Variants in EPHB1 observed in about 807,000 individuals in gnomAD.
The protein encoded by EPHB1 is ephrin type-B receptor 1.
EPHB1 carries 30 observed loss-of-function variants against 94.4 expected under a neutral mutation model. The observed-to-expected ratio is 0.32, with a 90% confidence interval of 0.24 to 0.43. EPHB1 has a LOEUF of 0.43. EPHB1 is among the 20% of genes least tolerant of loss of function. The pLI, the probability that EPHB1 is intolerant of heterozygous loss-of-function variation, is 1.00. For synonymous variants in EPHB1, 522 were observed against 489.1 expected (o/e 1.07, Z -0.89); for missense variants, 1,055 against 1,308.3 (o/e 0.81, Z 2.99).
intron 9 of EPHB1, among the ~76,000 whole-genome samples, chr3:135,172,653 G>T (rs1941838765): frequency 1.3e-5 from 2 of 152,218 alleles, no homozygotes; most frequent in South Asian, 4.1e-4. Flanking sequence ...TGTCCCTGGA[G>T]GAGGGAGACT....
At chr3:135,223,765 A>G (rs1370281023) in intron 12 of EPHB1, among the ~76,000 whole-genome samples, 4 of 152,232 alleles carry the variant, frequency 2.6e-5, no homozygotes, top group Non-Finnish European at 5.9e-5. Flanking sequence ...AGGATTTTTA[A>G]AAACTTTATT....
At chr3:135,084,386 A>G (rs911653729) in intron 3 of EPHB1, among the ~76,000 whole-genome samples, 13 of 152,260 alleles carry the variant, frequency 8.5e-5, no homozygotes, top group African/African-American at 3.1e-4. Context: ...TCATGGTTAG[A>G]TTAGCCTCGT....
At chr3:135,049,360 G>A (rs1161342021) in intron 3 of EPHB1, among the ~76,000 whole-genome samples, 2 of 152,204 alleles carry the variant, frequency 1.3e-5, no homozygotes, top group African/African-American at 2.4e-5. Flanking sequence ...CTTCTTTTGT[G>A]CAATTGCAGT....
chr3:135,184,453 G>C (rs1265981966), intron 10 of EPHB1, among the ~76,000 whole-genome samples: 1 of 152,194 alleles, frequency 6.6e-6, no homozygotes, highest in Admixed American at 6.5e-5. Flanking sequence ...GTAATTATTT[G>C]TTTAATGTTC....
Position 135,170,624 on chromosome 3 carries a change from T to C in EPHB1, c.1759+3618T>C, listed in dbSNP as rs572156142. Among the ~76,000 whole-genome samples the C allele has an allele frequency of 1.1e-4, 17 of 152,228 alleles. No individual in the cohort carries two copies. In the East Asian group the frequency reaches 2.9e-3, roughly 26 times the overall value. On this transcript the variant is annotated intron_variant, in intron 9 of 15. Transcript: ENST00000398015. ...CTGACTAACAGTTGCCTGGATGAGA[T>C]GATTTAGGTGGTCCAGGTGGCCACC...
At chr3:134,862,587 C>A (rs1361045198) in intron 1 of EPHB1, among the ~76,000 whole-genome samples, 2 of 151,522 alleles carry the variant, frequency 1.3e-5, no homozygotes, top group African/African-American at 2.4e-5. Flanking sequence ...TTGTCAATTA[C>A]AATAAAGCAC....
rs253875 is a variant in EPHB1, at chr3:135,032,148, A to T, written c.806-74300A>T. ...GATGTCTTTTTATCTGATAAAATTTATTCTAGTGCTTTTTGGATAACTTCT... is the reference window on the plus strand; with the variant it reads ...GATGTCTTTTTATCTGATAAAATTTTTTCTAGTGCTTTTTGGATAACTTCT... On this transcript the variant is annotated intron_variant, in intron 3 of 15. Coordinates refer to ENST00000398015, the MANE Select transcript of EPHB1 (RefSeq NM_004441.5). Among the ~76,000 whole-genome samples, 349 of 151,938 alleles carry T rather than the reference A, an allele frequency of 2.3e-3. 2 individuals are homozygous for T. The highest frequency in any genetic ancestry group is 7.9e-3 in the African/African-American group (327 of 41,478).
intron 12 of EPHB1, among the ~76,000 whole-genome samples, chr3:135,232,701 C>G (rs924935708): frequency 6.6e-6 from 1 of 152,152 alleles, no homozygotes; most frequent in African/African-American, 2.4e-5. Context: ...TGTTCTCATG[C>G]TGCTAATGAA....
rs552582053 is a variant in EPHB1, at chr3:134,928,804, C to T, written c.123+2924C>T. 2.6e-5 allele frequency among the ~76,000 whole-genome samples: 4 copies of T among 151,578 alleles called. No individual in the cohort carries two copies. The South Asian group carries it at 6.3e-4, about 24-fold the overall frequency. ...TGGATGGATAACCTGCACTGAAGTG[C>T]CAAATAGAACCTGACCAGGAGACTG... On this transcript the variant is annotated intron_variant, in intron 2 of 15. Coordinates refer to ENST00000398015, the MANE Select transcript of EPHB1 (RefSeq NM_004441.5).
At chr3:134,848,047 A>G (rs1424647873) in intron 1 of EPHB1, among the ~76,000 whole-genome samples, 3 of 152,214 alleles carry the variant, frequency 2.0e-5, no homozygotes, top group African/African-American at 7.2e-5. Context: ...CTGATGCCTC[A>G]GTTTCCCATC....
intron 3 of EPHB1, among the ~76,000 whole-genome samples, chr3:135,100,168 G>A (rs539182687): frequency 2.0e-5 from 3 of 152,232 alleles, no homozygotes; most frequent in African/African-American, 4.8e-5. Context: ...AAAATGCAAG[G>A]AGAGACTTCC....
chr3:134,804,954 G>A (rs916261600), intron 1 of EPHB1, among the ~76,000 whole-genome samples: 4 of 152,228 alleles, frequency 2.6e-5, no homozygotes, highest in African/African-American at 7.2e-5. Flanking sequence ...CTTCATTGAC[G>A]GTGGCAGCAG....
chr3:134,799,691 G>A (rs2035899145), intron 1 of EPHB1, among the ~76,000 whole-genome samples: 1 of 152,178 alleles, frequency 6.6e-6, no homozygotes, highest in Non-Finnish European at 1.5e-5. Context: ...CACAGTGTCC[G>A]GCTCCAGCCC....
At chr3:134,862,315 G>A (rs1311034435) in intron 1 of EPHB1, among the ~76,000 whole-genome samples, 1 of 152,042 alleles carries the variant, frequency 6.6e-6, no homozygotes, top group Admixed American at 6.5e-5. Flanking sequence ...TTTGAGTTGG[G>A]TCCAAAGAGG....
At chr3:135,134,502 T>G (rs1940543073) in intron 5 of EPHB1, among the ~76,000 whole-genome samples, 1 of 152,136 alleles carries the variant, frequency 6.6e-6, no homozygotes, top group Admixed American at 6.5e-5. Flanking sequence ...TGTGTGTGTG[T>G]TCATGTGGTG....
At chr3:135,184,543 A>G (rs882058) in intron 10 of EPHB1, among the ~76,000 whole-genome samples, 40,378 of 152,126 alleles carry the variant, frequency 0.27, 5,706 homozygotes, top group East Asian at 0.47. Context: ...GGCCTAGTGC[A>G]TGGCACTTAA....
intron 4 of EPHB1, among the ~76,000 whole-genome samples, chr3:135,130,339 G>C (rs149473603): frequency 3.6e-4 from 55 of 152,270 alleles, no homozygotes; most frequent in African/African-American, 1.3e-3. Flanking sequence ...AAGAAGGTAA[G>C]GATTGAATTG....
chr3:135,182,736 AC>A (rs1942188920), intron 10 of EPHB1, among the ~76,000 whole-genome samples: 1 of 152,206 alleles, frequency 6.6e-6, no homozygotes, highest in South Asian at 2.1e-4. Context: ...GAAGAGGAAA[AC>A]TAAATGATTT....
intron 3 of EPHB1, among the ~76,000 whole-genome samples, chr3:135,010,637 C>T (rs1935589972): frequency 6.8e-6 from 1 of 147,558 alleles, no homozygotes; most frequent in African/African-American, 2.5e-5. Context: ...GATCTTGGCT[C>T]ACTGCAACCT....
Sources: allele counts gnomAD v4.1 joint callset (sites outside exome capture counted in the v4.1 genomes callset), GRCh38; gene constraint gnomAD v4.1.1; transcripts MANE v1.5; gene names NCBI Gene and HGNC (gene_info 2026-07-23, HGNC 2026-07-21).